PSG4: variants seen among roughly 807,000 people sequenced by gnomAD.
PSG4 encodes the protein pregnancy specific beta-1-glycoprotein 4.
PSG4 carries 61 observed loss-of-function variants against 44.3 expected under a neutral mutation model. The observed-to-expected ratio is 1.38, with a 90% confidence interval of 1.12 to 1.70. PSG4 has a LOEUF of 1.70. Ranked by LOEUF, PSG4 falls within the 40% of genes most tolerant of loss-of-function variation. The probability of loss-of-function intolerance (pLI) is 0.00; values close to 1 mark genes in which losing one functional copy is unlikely to be tolerated. For missense variants in PSG4, 677 were observed against 511.7 expected (o/e 1.32, Z -3.12); for synonymous variants, 248 against 191.3 (o/e 1.30, Z -2.45).
At position 43,195,192 on chromosome 19, in the gene PSG4, G is replaced by A; in HGVS notation, c.791C>T (p.Pro264Leu). ...AATGTAGGTGTAGTTCTTACTCTTA[G>A]GTTCACAGGTGAAGGTTAAGACATC... ...NKDVLTFTCEPKSKNYTYIWW... is the reference protein window; with the variant it reads ...NKDVLTFTCELKSKNYTYIWW... The change falls in exon 4 of 6, where the codon CCT becomes CTT. Residue 264 changes from proline to leucine, a missense_variant. By Grantham distance (98) the Pro-to-Leu change is moderately conservative (BLOSUM62 -3). Coordinates refer to ENST00000405312, the MANE Select transcript of PSG4 (RefSeq NM_002780.5). The A allele has an allele frequency of 6.2e-7, 1 of 1,610,214 alleles. No homozygotes were observed.
rs1967479034 is a variant in PSG4, at chr19:43,200,877, AG to A, written c.431-2603del. On this transcript the variant is annotated intron_variant, in intron 2 of 5. Coordinates refer to ENST00000405312, the MANE Select transcript of PSG4 (RefSeq NM_002780.5). ...GAGCCACTGAGCACAGCCTTCTCTG[AG>A]GGATTTTAATGAGTTGTTGACTTTT... 1.4e-5 allele frequency among the ~76,000 whole-genome samples: 2 copies of A among 146,450 alleles called. 1 individual carries two copies. The highest frequency in any genetic ancestry group is 5.2e-5 in the African/African-American group (2 of 38,470).
At chr19:43,200,807 C>T (rs1233541271) in intron 2 of PSG4, among the ~76,000 whole-genome samples, 4 of 146,112 alleles carry the variant, frequency 2.7e-5, no homozygotes, top group Non-Finnish European at 5.9e-5. Context: ...CATCTCCTGA[C>T]CTTGTGCCTG....
intron 5 of PSG4, 163 bp from the exon 6 acceptor site, chr19:43,193,551 G>C (rs1049897530): frequency 3.1e-6 from 2 of 642,374 alleles, no homozygotes; most frequent in African/African-American, 1.8e-5. Flanking sequence ...AATAGGTTGA[G>C]TTTCTTCAAA....
intron 3 of PSG4, among the ~76,000 whole-genome samples, chr19:43,197,277 T>G (rs201404510): frequency 2.8e-5 from 4 of 144,908 alleles, no homozygotes; most frequent in Non-Finnish European, 6.0e-5. Flanking sequence ...GCAGGTGGCT[T>G]TTCCCTGATA....
Position 43,194,985 on chromosome 19 carries a change from A to G in PSG4, c.988+10T>C. The stretch of plus-strand genomic sequence containing the variant: ...GTGTCCTGGCCCACAGAGGAACAAA[A>G]GATACTCACAGAGGACATTCAGGGT... On this transcript the variant is annotated intron_variant, in intron 4 of 5. Transcript: ENST00000405312. 1 of 1,609,576 alleles carries G rather than the reference A, an allele frequency of 6.2e-7. No homozygotes were observed. The highest frequency in any genetic ancestry group is 8.5e-7 in the Non-Finnish European group (1 of 1,177,410).
At chr19:43,195,880 G>A (rs1967224817) in intron 3 of PSG4, among the ~76,000 whole-genome samples, 1 of 150,326 alleles carries the variant, frequency 6.7e-6, no homozygotes, top group Non-Finnish European at 1.5e-5. Context: ...TTTTGCAGGT[G>A]TTTCATGATG....
In PSG4 at chr19:43,201,769, C is replaced by T. The variant is rs535620889; in HGVS notation, c.430+2117G>A. Reference sequence around the variant, plus strand: ...AACCTCCAGCCTCCTGTTTGGCAGACTTGGAGTCGTTAAAATCTTTCTTGA... The same window carrying T: ...AACCTCCAGCCTCCTGTTTGGCAGATTTGGAGTCGTTAAAATCTTTCTTGA... On this transcript the variant is annotated intron_variant, in intron 2 of 5. Coordinates refer to ENST00000405312, the MANE Select transcript of PSG4 (RefSeq NM_002780.5). Among the ~76,000 whole-genome samples the T allele has an allele frequency of 1.2e-4, 17 of 145,340 alleles. 3 individuals carry two copies. The Middle Eastern group carries it at 0.014, about 118-fold the overall frequency.
rs1568389742 is a variant in PSG4 at position 43,203,194 on chromosome 19, C to T, written c.430+692G>A. On this transcript the variant is annotated intron_variant, in intron 2 of 5. Transcript: ENST00000405312. ...CCTGTGGACAATCTGCTACCAGGTA[C>T]ATCTTCTCCTTCTGTTTCTGCTTCT... The T allele has an allele frequency of 2.0e-5, 3 of 146,632 alleles. 1 individual carries two copies. Among genetic ancestry groups the T allele is most frequent in the Admixed American group, 1.4e-4 (2 of 14,770 alleles). 9.1% of individuals were successfully genotyped at this position (146,632 alleles called of 1,614,324 possible).
chr19:43,194,666 A>C, intron 4 of PSG4, 72 bp from the exon 5 acceptor site: 1 of 1,550,258 alleles, frequency 6.5e-7, no homozygotes, highest in Non-Finnish European at 8.7e-7. Flanking sequence ...TCTTAAAGGG[A>C]CACAGTTACC....
At chr19:43,195,408 C>T in intron 3 of PSG4, 135 bp from the exon 4 acceptor site, 2 of 1,422,324 alleles carry the variant, frequency 1.4e-6, no homozygotes, top group Non-Finnish European at 1.9e-6. Flanking sequence ...GTGCTTCTGT[C>T]ACAAGATAGA....
intron 2 of PSG4, among the ~76,000 whole-genome samples, chr19:43,200,441 C>A (rs1285031857): frequency 6.9e-6 from 1 of 144,954 alleles, no homozygotes; most frequent in Non-Finnish European, 1.5e-5. Context: ...TGTTGTTCCA[C>A]TTTTTTTTCC....
rs1599771670 is a variant in PSG4 at position 43,197,944 on chromosome 19, C to T, written c.709+53G>A. On this transcript the variant is annotated intron_variant, in intron 3 of 5. Transcript: ENST00000405312. ...AGGGACTGAGAGGCCTGGCCTCTGG[C>T]CATGTGTATTTGGGATGGCAGCCTG... 1.3e-6 allele frequency: 2 copies of T among 1,565,454 alleles called. 1 individual carries two copies. Among genetic ancestry groups the T allele is most frequent in the Non-Finnish European group, 1.7e-6 (2 of 1,165,284 alleles).
chr19:43,198,404 G>A, intron 2 of PSG4, 129 bp from the exon 3 acceptor site: 2 of 1,419,062 alleles, frequency 1.4e-6, no homozygotes, highest in Non-Finnish European at 1.9e-6. Context: ...TGGAAGATGT[G>A]TGTGTTAAAG....
chr19:43,203,948 T>A lies in PSG4; in HGVS notation c.368A>T (p.His123Leu), dbSNP rs79787751. 6.6e-4 allele frequency: 1,047 copies of A among 1,586,926 alleles called. 262 individuals are homozygous for A. In the East Asian group the frequency reaches 0.022, roughly 33 times the overall value. The change falls in exon 2 of 6, where the codon CAC becomes CTC. Residue 123 changes from histidine (H) to leucine (L), a missense_variant. Transcript: ENST00000405312. ...TQEDAGSYTL[H>L]IIKRRDGTGG... Reference sequence around the variant, plus strand: ...AGTCCCATCGCGTCGCTTTATGATGTGTAAGGTGTAGGATCCTGCATCCTC... The same window carrying A: ...AGTCCCATCGCGTCGCTTTATGATGAGTAAGGTGTAGGATCCTGCATCCTC...
rs1393454656 is a variant in PSG4 at position 43,204,337 on chromosome 19, C to T, written c.65-86G>A. 42 of 1,407,534 alleles carry T rather than the reference C, an allele frequency of 3.0e-5. 2 individuals carry two copies. Among genetic ancestry groups the T allele is most frequent in the Non-Finnish European group, 3.9e-5 (41 of 1,048,460 alleles). The allele number at this position is 1,407,534 out of a possible 1,614,324, so 87.2% of individuals were successfully genotyped here. On this transcript the variant is annotated intron_variant, in intron 1 of 5. Coordinates refer to ENST00000405312, the MANE Select transcript of PSG4 (RefSeq NM_002780.5). ...GTCCTGAGAAGGTCTCTTCAATCCT[C>T]AGCCTTGAAGACACACAAACACACA...
At position 43,198,252 on chromosome 19, in the gene PSG4, A is replaced by G. The variant is rs1599772721; in HGVS notation, c.454T>C (p.Ser152Pro). The G allele has an allele frequency of 6.3e-7, 1 of 1,586,994 alleles. No homozygotes were observed. Among genetic ancestry groups the G allele is most frequent in the Non-Finnish European group, 8.5e-7 (1 of 1,171,648 alleles). Reference protein sequence around the residue: ...LHLETPKPSISSSNLNPREAM... With the variant: ...LHLETPKPSIPSSNLNPREAM... The stretch of plus-strand genomic sequence containing the variant: ...TCCCTGGGATTTAAGTTGCTGCTGG[A>G]GATGGAGGGCTTGGGAGTCTCCACT... The change falls in exon 3 of 6, where the codon TCC becomes CCC. Residue 152 changes from serine to proline, a missense_variant. Ser to Pro is a moderately conservative substitution (Grantham distance 74). Transcript: ENST00000405312.
rs1418407672 is a variant in PSG4 at position 43,198,209 on chromosome 19, A to C, written c.497T>G (p.Ile166Ser). ...LNPREAMEAVILTCDPATPAA... is the reference protein window; with the variant it reads ...LNPREAMEAVSLTCDPATPAA... ...TGGAGTCGCAGGATCACAGGTTAAGATCACAGCCTCCATGGCCTCCCTGGG... is the reference window on the plus strand; with the variant it reads ...TGGAGTCGCAGGATCACAGGTTAAGCTCACAGCCTCCATGGCCTCCCTGGG... The change falls in exon 3 of 6, where the codon ATC becomes AGC. Residue 166 changes from isoleucine to serine, a missense_variant. Ile to Ser is a moderately radical substitution (Grantham distance 142). Coordinates refer to ENST00000405312, the MANE Select transcript of PSG4 (RefSeq NM_002780.5). 8 of 1,587,472 alleles carry C rather than the reference A, an allele frequency of 5.0e-6. 2 individuals are homozygous for C. The highest frequency in any genetic ancestry group is 4.3e-5 in the African/African-American group (3 of 69,588).
At position 43,203,512 on chromosome 19, in the gene PSG4, AG is replaced by A. The variant is rs557143473; in HGVS notation, c.430+373del. The A allele has an allele frequency of 1.7e-4, 37 of 214,736 alleles. 10 individuals carry two copies. The East Asian group carries it at 5.8e-3, about 33-fold the overall frequency. 13.3% of individuals were successfully genotyped at this position (214,736 alleles called of 1,614,324 possible). On this transcript the variant is annotated intron_variant, in intron 2 of 5. Coordinates refer to ENST00000405312, the MANE Select transcript of PSG4 (RefSeq NM_002780.5). ...ACAGAGGTCTGGGGTTGAGGCTTCT[AG>A]GGCTGAGCTGCTCTGAGAGTATCTC... is the stretch of plus-strand genomic sequence containing the variant.
rs373892760 is a variant in PSG4 at position 43,195,194 on chromosome 19, T to C, written c.789A>G (p.Glu263=). The change falls in exon 4 of 6, where the codon GAA becomes GAG. Residue 263 remains glutamate (E), a synonymous_variant. Coordinates refer to ENST00000405312, the MANE Select transcript of PSG4 (RefSeq NM_002780.5). Reference sequence around the variant, plus strand: ...TGTAGGTGTAGTTCTTACTCTTAGGTTCACAGGTGAAGGTTAAGACATCCT... The same window carrying C: ...TGTAGGTGTAGTTCTTACTCTTAGGCTCACAGGTGAAGGTTAAGACATCCT... ...ENKDVLTFTC[E]PKSKNYTYIW... 6.8e-6 allele frequency: 11 copies of C among 1,610,004 alleles called. No individual in the cohort carries two copies. In the African/African-American group the frequency reaches 1.3e-4, roughly 20 times the overall value.
Sources: allele counts gnomAD v4.1 joint callset (sites outside exome capture counted in the v4.1 genomes callset), GRCh38; gene constraint gnomAD v4.1.1; transcripts MANE v1.5; gene names NCBI Gene and HGNC (gene_info 2026-07-23, HGNC 2026-07-21).